The following GSR variants were observed in gnomAD, a reference collection of about 807,000 sequenced individuals.
GSR encodes glutathione-disulfide reductase.
In GSR, 48 loss-of-function variants were observed where a neutral mutation model predicts 56.5. The ratio of observed to expected loss-of-function variants is 0.85; its 90% CI spans 0.67 to 1.08. GSR has a LOEUF of 1.08. Ranked by LOEUF, GSR falls within the 50% of genes least tolerant of loss-of-function variation. GSR has a pLI of 0.00. For missense variants in GSR, 694 were observed against 703.3 expected, an observed-to-expected ratio of 0.99 and a Z score of 0.15; for synonymous variants, 264 against 270.8, an observed-to-expected ratio of 0.97 and a Z score of 0.25.
intron 1 of GSR, among the ~76,000 whole-genome samples, chr8:30,725,013 T>A (rs1256069651): frequency 1.9e-4 from 29 of 152,230 alleles, no homozygotes; most frequent in Non-Finnish European, 4.1e-4. Flanking sequence ...CAAGCTGAAC[T>A]TTCCTTCTGG....
Position 30,709,881 on chromosome 8 carries a change from G to A in GSR, c.355C>T (p.His119Tyr). ...GCATGATCATGCATGAATTCAGAGT[G>A]GACAGCTGTGTTCCACATTACCTGT... ...PKKVMWNTAV[H>Y]SEFMHDHADY... is the part of the protein sequence containing the mutation. The change falls in exon 3 of 13, where the codon CAC becomes TAC. Residue 119 changes from histidine (H) to tyrosine (Y), a missense_variant. Physicochemically the swap from His to Tyr is moderately conservative, Grantham distance 83. Transcript: ENST00000221130. 1 of 1,554,518 alleles carries A rather than the reference G, an allele frequency of 6.4e-7. No individual in the cohort carries two copies. Among genetic ancestry groups the A allele is most frequent in the Non-Finnish European group, 8.8e-7 (1 of 1,130,522 alleles).
At chr8:30,719,592 A>T (rs1804460314) in intron 1 of GSR, among the ~76,000 whole-genome samples, 1 of 152,042 alleles carries the variant, frequency 6.6e-6, no homozygotes, top group Non-Finnish European at 1.5e-5. Flanking sequence ...ATACATCATC[A>T]AGGAGACTCC....
At position 30,727,584 on chromosome 8, in the gene GSR, G is replaced by C. The variant is rs1245531533; in HGVS notation, c.252C>G (p.Ala84=). ...SGGLASARRA[A]ELGARAAVVE... ...CCACGGCGGCCCTGGCACCCAGCTC[G>C]GCCGCCCTGCGCGCGCTGGCCAGCC... Residue 84 remains alanine, a synonymous_variant, in exon 1 of 13, where the codon GCC becomes GCG. Transcript: ENST00000221130. 6.5e-7 allele frequency: 1 copy of C among 1,531,220 alleles called. No individual in the cohort carries two copies. The highest frequency in any genetic ancestry group is 2.5e-5 in the East Asian group (1 of 40,148). The allele number at this position is 1,531,220 out of a possible 1,614,324, so 94.9% of individuals were successfully genotyped here.
At chr8:30,712,922 G>C (rs983379565) in intron 1 of GSR, among the ~76,000 whole-genome samples, 2 of 152,104 alleles carry the variant, frequency 1.3e-5, no homozygotes, top group Non-Finnish European at 2.9e-5. Context: ...CAAATGCACA[G>C]ATTATCATGT....
At chr8:30,714,202 C>CTTTTTTTTTTTTTTTTTTTTTTTTT (rs33969608) in intron 1 of GSR, among the ~76,000 whole-genome samples, 1 of 63,960 alleles carries the variant, frequency 1.6e-5, no homozygotes, top group Non-Finnish European at 2.7e-5. Flanking sequence ...GTTCTATATG[C>CTTTTTTTTTTTTTTTTTTTTTTTTT]TTTTTTTTTT....
chr8:30,708,883 C>T (rs910486311), intron 3 of GSR, among the ~76,000 whole-genome samples: 4 of 149,080 alleles, frequency 2.7e-5, no homozygotes, highest in Non-Finnish European at 4.4e-5. Context: ...GGCGTGAACC[C>T]GGTAGGCGGA....
rs556017143 is a variant in GSR at position 30,685,070 on chromosome 8, C to T, written c.1042-871G>A. On this transcript the variant is annotated intron_variant, in intron 9 of 12. Transcript: ENST00000221130. ...TGCCTCCCAGGTTCACGCCATTCTC[C>T]TGCCTCAGCCTCCCGAGTAGCTGGG... Among the ~76,000 whole-genome samples, 14 of 152,098 alleles carry T rather than the reference C, an allele frequency of 9.2e-5. No individual in the cohort carries two copies. In the South Asian group the frequency reaches 1.5e-3, roughly 16 times the overall value.
intron 7 of GSR, among the ~76,000 whole-genome samples, chr8:30,695,717 G>A (rs142566696): frequency 6.6e-6 from 1 of 152,224 alleles, no homozygotes; most frequent in African/African-American, 2.4e-5. Context: ...AACATTACTT[G>A]ATCATATAAA....
chr8:30,679,706 CTTT>C (rs10715710), intron 12 of GSR, 37 bp from the exon 13 acceptor site: 8,311 of 1,280,356 alleles, frequency 6.5e-3, no homozygotes, highest in Non-Finnish European at 7.1e-3. Context: ...TTTCTTTCTT[CTTT>C]TTTTTTTTTT....
chr8:30,701,334 C>T lies in GSR; in HGVS notation c.641-1199G>A, dbSNP rs183754186. Among the ~76,000 whole-genome samples the T allele has an allele frequency of 1.1e-4, 16 of 152,116 alleles. No individual in the cohort carries two copies. The East Asian group carries it at 2.3e-3, about 22-fold the overall frequency. ...TACAAAAATTAGCTGAGTGTGGTGG[C>T]GCATGCCTGTAATCCCTGCTACTCA... is the stretch of plus-strand genomic sequence containing the variant. On this transcript the variant is annotated intron_variant, in intron 5 of 12. Transcript: ENST00000221130.
At chr8:30,689,139 C>T (rs770960611) in intron 9 of GSR, 22 bp downstream of exon 9, 9 of 1,612,274 alleles carry the variant, frequency 5.6e-6, no homozygotes, top group South Asian at 5.5e-5. Context: ...ACAAATGTTT[C>T]GGGCAGACCA....
intron 3 of GSR, among the ~76,000 whole-genome samples, chr8:30,708,899 C>T (rs1192799674): frequency 7.0e-6 from 1 of 143,850 alleles, no homozygotes; most frequent in Non-Finnish European, 1.5e-5. Flanking sequence ...GCGGAGCGTG[C>T]AGTGAGCCGA....
At chr8:30,680,381 G>GTTTT (rs34342136) in intron 12 of GSR, among the ~76,000 whole-genome samples, 2 of 33,374 alleles carry the variant, frequency 6.0e-5, no homozygotes, top group African/African-American at 9.5e-5. Context: ...GGCCTCTCCT[G>GTTTT]TTTTTTTTTT....
intron 2 of GSR, among the ~76,000 whole-genome samples, chr8:30,711,205 A>G (rs1450379797): frequency 6.6e-6 from 1 of 152,224 alleles, no homozygotes; most frequent in Non-Finnish European, 1.5e-5. Context: ...TAATACCAAA[A>G]AGATGACAAG....
intron 8 of GSR, among the ~76,000 whole-genome samples, chr8:30,692,542 C>T (rs376818426): frequency 2.1e-4 from 28 of 133,642 alleles, no homozygotes; most frequent in African/African-American, 5.4e-4. Flanking sequence ...GCTCTTGTCG[C>T]CCAGGCTGGA....
chr8:30,716,466 T>C (rs1421939968), intron 1 of GSR, among the ~76,000 whole-genome samples: 2 of 152,236 alleles, frequency 1.3e-5, no homozygotes, highest in Admixed American at 1.3e-4. Context: ...CCTATTTACA[T>C]GCCAGCAACA....
intron 7 of GSR, among the ~76,000 whole-genome samples, chr8:30,694,391 C>G (rs1803481352): frequency 6.6e-6 from 1 of 152,204 alleles, no homozygotes; most frequent in South Asian, 2.1e-4. Flanking sequence ...CTCACTGCAG[C>G]CTTGACCTCC....
intron 5 of GSR, among the ~76,000 whole-genome samples, chr8:30,701,374 G>A (rs1803734536): frequency 6.6e-6 from 1 of 152,198 alleles, no homozygotes; most frequent in African/African-American, 2.4e-5. Flanking sequence ...GCTGGGGCAG[G>A]AGAATTGCTT....
At chr8:30,698,347 G>A (rs753830545) in intron 6 of GSR, among the ~76,000 whole-genome samples, 7 of 152,092 alleles carry the variant, frequency 4.6e-5, no homozygotes, top group Non-Finnish European at 8.8e-5. Flanking sequence ...GGGTGAGTCC[G>A]GAATGAAATT....
Sources: allele counts gnomAD v4.1 joint callset (sites outside exome capture counted in the v4.1 genomes callset), GRCh38; gene constraint gnomAD v4.1.1; transcripts MANE v1.5; gene names NCBI Gene and HGNC (gene_info 2026-07-23, HGNC 2026-07-21).